Variants in CHN2 observed in about 807,000 individuals in gnomAD.
CHN2 encodes beta-chimaerin.
In CHN2, 35 loss-of-function variants were observed where a neutral mutation model predicts 56.3. The observed-to-expected ratio is 0.62, with a 90% CI of 0.47 to 0.82. CHN2 has a LOEUF of 0.82. Ranked by LOEUF, CHN2 falls within the 40% of genes least tolerant of loss-of-function variation. The pLI is 0.00. For missense variants in CHN2, 491 were observed against 580.5 expected (o/e 0.85, Z 1.58); for synonymous variants, 210 against 212.8 (o/e 0.99, Z 0.12).
At chr7:29,383,304 G>A (rs543405514) in intron 3 of CHN2, among the ~76,000 whole-genome samples, 30 of 152,244 alleles carry the variant, frequency 2.0e-4, no homozygotes, top group African/African-American at 7.0e-4. Flanking sequence ...CGAGCTGATG[G>A]TGTTGATTCC....
At chr7:29,164,575 A>G (rs1795643296) in intron 2 of CHN2, among the ~76,000 whole-genome samples, 1 of 151,912 alleles carries the variant, frequency 6.6e-6, no homozygotes, top group Admixed American at 6.6e-5. Flanking sequence ...ATTTGAACTC[A>G]GAAGAGACCA....
At chr7:29,414,448 C>A (rs1323024048) in intron 6 of CHN2, among the ~76,000 whole-genome samples, 1 of 152,132 alleles carries the variant, frequency 6.6e-6, no homozygotes, top group African/African-American at 2.4e-5. Flanking sequence ...AGTTTGTCAC[C>A]TTCTTCCGTC....
chr7:29,309,439 TCTC>T (rs1794421751), intron 1 of CHN2, among the ~76,000 whole-genome samples: 1 of 152,164 alleles, frequency 6.6e-6, no homozygotes, highest in African/African-American at 2.4e-5. Context: ...ATTTGGCTCC[TCTC>T]CTCCTACCAC....
At chr7:29,218,192 C>T (rs375607316) in intron 1 of CHN2, among the ~76,000 whole-genome samples, 1 of 144,608 alleles carries the variant, frequency 6.9e-6, no homozygotes, top group African/African-American at 2.8e-5. Flanking sequence ...CCATCTCCCA[C>T]CCCCTTCCAC....
At chr7:29,424,415 C>T (rs527677539) in intron 6 of CHN2, among the ~76,000 whole-genome samples, 1 of 152,142 alleles carries the variant, frequency 6.6e-6, no homozygotes, top group South Asian at 2.1e-4. Flanking sequence ...ATATGAGGAC[C>T]ACAAACAAGA....
At chr7:29,230,951 G>A (rs971460387) in intron 1 of CHN2, among the ~76,000 whole-genome samples, 2 of 152,140 alleles carry the variant, frequency 1.3e-5, no homozygotes, top group Non-Finnish European at 2.9e-5. Flanking sequence ...ACCTTATGGT[G>A]CCAGCAAGCA....
intron 1 of CHN2, among the ~76,000 whole-genome samples, chr7:29,230,951 G>C (rs971460387): frequency 6.6e-6 from 1 of 152,140 alleles, no homozygotes; most frequent in Non-Finnish European, 1.5e-5. Context: ...ACCTTATGGT[G>C]CCAGCAAGCA....
intron 2 of CHN2, among the ~76,000 whole-genome samples, chr7:29,187,693 A>T (rs1009859815): frequency 6.6e-6 from 1 of 152,216 alleles, no homozygotes; most frequent in Admixed American, 6.5e-5. Flanking sequence ...GCACCATTGC[A>T]CTCCAGCCTG....
At chr7:29,152,830 T>A (rs148389656) in intron 2 of CHN2, among the ~76,000 whole-genome samples, 4 of 152,340 alleles carry the variant, frequency 2.6e-5, no homozygotes, top group Admixed American at 1.3e-4. Context: ...ATACACTCGA[T>A]CCTTGTTATT....
At chr7:29,300,445 G>A (rs1278605103) in intron 1 of CHN2, among the ~76,000 whole-genome samples, 1 of 151,928 alleles carries the variant, frequency 6.6e-6, no homozygotes, top group Admixed American at 6.6e-5. Context: ...GCCTTCCTGG[G>A]CCTTTGACAC....
intron 2 of CHN2, among the ~76,000 whole-genome samples, chr7:29,364,639 C>T (rs898000757): frequency 6.6e-6 from 1 of 152,186 alleles, no homozygotes; most frequent in Non-Finnish European, 1.5e-5. Context: ...AAGGAGGGCA[C>T]GAGCTATACT....
At chr7:29,271,185 C>CT (rs1270340636) in intron 1 of CHN2, among the ~76,000 whole-genome samples, 1 of 152,140 alleles carries the variant, frequency 6.6e-6, no homozygotes, top group Non-Finnish European at 1.5e-5. Flanking sequence ...GCGTCCTGGT[C>CT]TTTAAGCATC....
intron 6 of CHN2, among the ~76,000 whole-genome samples, chr7:29,469,865 G>A (rs532379591): frequency 6.6e-6 from 1 of 152,114 alleles, no homozygotes; most frequent in Non-Finnish European, 1.5e-5. Context: ...TACAGTGCCT[G>A]ATAAATAATA....
chr7:29,273,371 A>ATG lies in CHN2; in HGVS notation c.49+78382_49+78383insGT, dbSNP rs1554387285. On this transcript the variant is annotated intron_variant, in intron 1 of 12. Coordinates refer to ENST00000222792, the MANE Select transcript of CHN2 (RefSeq NM_004067.4). ...TATATATATATATATATATATATAT[A>ATG]TATATATATATATATATACACACAC... 1.9e-4 allele frequency among the ~76,000 whole-genome samples: 9 copies of ATG among 48,632 alleles called. No individual in the cohort carries two copies. The East Asian group carries it at 0.017, about 93-fold the overall frequency. 31.9% of individuals were successfully genotyped at this position (48,632 alleles called of 152,430 possible).
intron 6 of CHN2, among the ~76,000 whole-genome samples, chr7:29,415,919 T>C (rs1803691808): frequency 6.6e-6 from 1 of 152,228 alleles, no homozygotes; most frequent in Non-Finnish European, 1.5e-5. Flanking sequence ...CAAAGCTAAT[T>C]GTCATCTTAG....
At chr7:29,479,936 G>A in intron 6 of CHN2, 1 of 1,441,638 alleles carries the variant, frequency 6.9e-7, no homozygotes, top group Non-Finnish European at 9.1e-7. Flanking sequence ...TCAGAAGCCG[G>A]GCCCCCTCCA....
chr7:29,443,101 C>T (rs375997603), intron 6 of CHN2, among the ~76,000 whole-genome samples: 2 of 150,564 alleles, frequency 1.3e-5, no homozygotes, highest in African/African-American at 2.5e-5. Flanking sequence ...CCACCGCGCC[C>T]GGCTAATTTT....
intron 6 of CHN2, among the ~76,000 whole-genome samples, chr7:29,428,441 C>CT (rs1383234765): frequency 1.3e-5 from 2 of 152,102 alleles, no homozygotes. Context: ...CTATGGCTCT[C>CT]TCTCTAAATC....
At chr7:29,390,851 C>A (rs1429688664) in intron 3 of CHN2, among the ~76,000 whole-genome samples, 1 of 152,002 alleles carries the variant, frequency 6.6e-6, no homozygotes, top group Non-Finnish European at 1.5e-5. Context: ...GGAGCCCTAG[C>A]CCCCAGCCAC....
Sources: allele counts gnomAD v4.1 joint callset (sites outside exome capture counted in the v4.1 genomes callset), GRCh38; gene constraint gnomAD v4.1.1; transcripts MANE v1.5; gene names NCBI Gene and HGNC (gene_info 2026-07-23, HGNC 2026-07-21).